GOLT1B: variants seen among roughly 807,000 people sequenced by gnomAD.
The protein encoded by GOLT1B is golgi transport 1B.
Under a neutral mutation model 15.4 loss-of-function variants are expected in GOLT1B, and 3 were observed. The ratio of observed to expected loss-of-function variants is 0.19; its 90% CI spans 0.09 to 0.50. The LOEUF (loss-of-function observed/expected upper bound fraction) is 0.50. Ranked by LOEUF, GOLT1B falls within the 20% of genes least tolerant of loss-of-function variation. GOLT1B has a pLI of 0.97. For missense variants in GOLT1B, 145 were observed against 160.4 expected (o/e 0.90, Z 0.52); for synonymous variants, 65 against 56.2 (o/e 1.16, Z -0.70).
At position 21,512,313 on chromosome 12, in the gene GOLT1B, T is replaced by C. The variant is rs148439968; in HGVS notation, c.315T>C (p.Val105=). The change falls in exon 4 of 5, where the codon GTT becomes GTC. Residue 105 remains valine, a synonymous_variant. Transcript: ENST00000229314. ...FLLFRGFFPV[V]VGFIRRVPVL... ...CTCCCAGGGGCTTCTTTCCTGTCGT[T>C]GTTGGCTTTATTAGAAGAGTGCCAG... 4.5e-4 allele frequency: 713 copies of C among 1,569,054 alleles called. 2 individuals carry two copies. The highest frequency in any genetic ancestry group is 1.0e-3 in the Middle Eastern group (6 of 5,960).
At chr12:21,511,536 T>C (rs1467661639) in intron 3 of GOLT1B, among the ~76,000 whole-genome samples, 1 of 152,188 alleles carries the variant, frequency 6.6e-6, no homozygotes, top group Non-Finnish European at 1.5e-5. Flanking sequence ...TCCAGCCCTC[T>C]AATCTTGCCT....
intron 2 of GOLT1B, 52 bp downstream of exon 2, chr12:21,507,028 C>T (rs772784692): frequency 2.7e-5 from 20 of 743,684 alleles, no homozygotes; most frequent in Middle Eastern, 2.6e-4. Flanking sequence ...ATTTTAACTA[C>T]GAATGAATTA....
intron 1 of GOLT1B, among the ~76,000 whole-genome samples, chr12:21,503,990 A>G (rs1943660031): frequency 6.6e-6 from 1 of 152,228 alleles, no homozygotes; most frequent in Non-Finnish European, 1.5e-5. Context: ...AGTACAGTTA[A>G]TGTTCAATTG....
intron 3 of GOLT1B, among the ~76,000 whole-genome samples, chr12:21,510,957 G>GT (rs1943715147): frequency 6.6e-6 from 1 of 152,180 alleles, no homozygotes; most frequent in South Asian, 2.1e-4. Flanking sequence ...GACCAAATGG[G>GT]TGGGGGGTTT....
intron 4 of GOLT1B, among the ~76,000 whole-genome samples, chr12:21,514,120 G>T (rs563201328): frequency 6.6e-6 from 1 of 152,244 alleles, no homozygotes; most frequent in African/African-American, 2.4e-5. Context: ...AGCTGAGTTG[G>T]CTACAATCCT....
rs1008747259 is a variant in GOLT1B at position 21,517,608 on chromosome 12, A to G, written c.*1901A>G. On this transcript the variant is annotated 3_prime_UTR_variant, in exon 5 of 5. Transcript: ENST00000229314. Reference sequence around the variant, plus strand: ...CCTTTGTAGACATGAATTTCTATCAAAATGTTCTTTGCACTGTAACAGAGA... The same window carrying G: ...CCTTTGTAGACATGAATTTCTATCAGAATGTTCTTTGCACTGTAACAGAGA... 6.6e-6 allele frequency: 1 copy of G among 152,076 alleles called. No homozygotes were observed. The highest frequency in any genetic ancestry group is 2.4e-5 in the African/African-American group (1 of 41,454). The allele number at this position is 152,076 out of a possible 1,614,324, so 9.4% of individuals were successfully genotyped here.
In GOLT1B at chr12:21,517,102, A is replaced by G. The variant is rs898894774; in HGVS notation, c.*1395A>G. The G allele has an allele frequency of 6.6e-6, 1 of 152,474 alleles. No individual in the cohort carries two copies. The highest frequency in any genetic ancestry group is 1.5e-5 in the Non-Finnish European group (1 of 67,898). 9.4% of individuals were successfully genotyped at this position (152,474 alleles called of 1,614,324 possible). Reference sequence around the variant, plus strand: ...CAGTTGCAAAGCTTTTTAATGCATAAAAGTATAATTGAAATCTGTGGTATT... The same window carrying G: ...CAGTTGCAAAGCTTTTTAATGCATAGAAGTATAATTGAAATCTGTGGTATT... On this transcript the variant is annotated 3_prime_UTR_variant, in exon 5 of 5. Transcript: ENST00000229314.
At chr12:21,511,475 G>A (rs1206894534) in intron 3 of GOLT1B, among the ~76,000 whole-genome samples, 1 of 152,158 alleles carries the variant, frequency 6.6e-6, no homozygotes, top group Non-Finnish European at 1.5e-5. Context: ...TGAGTGACCA[G>A]CTTCACAGCC....
chr12:21,504,198 C>T (rs774491707), intron 1 of GOLT1B, among the ~76,000 whole-genome samples: 22 of 151,770 alleles, frequency 1.4e-4, no homozygotes, highest in Non-Finnish European at 2.9e-4. Context: ...TTTTTTTTAA[C>T]TTGTGGACAG....
intron 3 of GOLT1B, among the ~76,000 whole-genome samples, chr12:21,509,425 CAGAAA>C (rs1374145650): frequency 1.3e-5 from 1 of 75,858 alleles, no homozygotes; most frequent in Non-Finnish European, 2.7e-5. Flanking sequence ...AAAAAAAAAA[CAGAAA>C]AGAAAATAAC....
chr12:21,515,213 T>C (rs970193717), intron 4 of GOLT1B: 2 of 1,307,128 alleles, frequency 1.5e-6, no homozygotes. Context: ...TTGAACTTAA[T>C]GGAGTTAAAT....
chr12:21,502,105 CG>C (rs1283625625), intron 1 of GOLT1B, among the ~76,000 whole-genome samples, 157 bp downstream of exon 1: 1 of 152,192 alleles, frequency 6.6e-6, no homozygotes, highest in Non-Finnish European at 1.5e-5. Flanking sequence ...GGGCTGCCTT[CG>C]GGATGCCGGG....
rs1943770577 is a variant in GOLT1B, at chr12:21,518,303, A to G, written c.*2596A>G. The G allele has an allele frequency of 1.3e-5, 2 of 152,276 alleles. No homozygotes were observed. Among genetic ancestry groups the G allele is most frequent in the South Asian group, 4.1e-4 (2 of 4,828 alleles). The allele number at this position is 152,276 out of a possible 1,614,324, so 9.4% of individuals were successfully genotyped here. A position where few individuals can be genotyped will look rare whatever the true frequency, so the allele number is the denominator to read the frequency against. ...CATCTTTCATTTCCAAATTGTTGAA[A>G]TGTACTAATGAATACAAATAGACTT... is the stretch of plus-strand genomic sequence containing the variant. On this transcript the variant is annotated 3_prime_UTR_variant, in exon 5 of 5. Coordinates refer to ENST00000229314, the MANE Select transcript of GOLT1B (RefSeq NM_016072.5).
chr12:21,505,578 A>G (rs1288104477), intron 1 of GOLT1B, among the ~76,000 whole-genome samples: 1 of 152,180 alleles, frequency 6.6e-6, no homozygotes, highest in East Asian at 1.9e-4. Context: ...GGAAGACACT[A>G]GTTATCAGGA....
At chr12:21,504,766 C>T (rs868358072) in intron 1 of GOLT1B, among the ~76,000 whole-genome samples, 20 of 152,280 alleles carry the variant, frequency 1.3e-4, no homozygotes, top group African/African-American at 1.9e-4. Context: ...CTTCATAACA[C>T]GGTAAACCAT....
chr12:21,506,628 T>G lies in GOLT1B; in HGVS notation c.26-257T>G, dbSNP rs71539410. Among the ~76,000 whole-genome samples, 4,045 of 152,168 alleles carry G rather than the reference T, an allele frequency of 0.027. 77 individuals carry two copies. Among genetic ancestry groups the G allele is most frequent in the Non-Finnish European group, 0.041 (2,767 of 67,868 alleles). On this transcript the variant is annotated intron_variant, in intron 1 of 4. Coordinates refer to ENST00000229314, the MANE Select transcript of GOLT1B (RefSeq NM_016072.5). ...TTAGAATCCCGATTTATCTTTTTTA[T>G]TATAGCTATGTCTGAGAAATGCTAT...
chr12:21,518,187 A>T lies in GOLT1B; in HGVS notation c.*2480A>T, dbSNP rs955620471. On this transcript the variant is annotated 3_prime_UTR_variant, in exon 5 of 5. Transcript: ENST00000229314. ...GGTGGTCAAGTATATCTGTGTTATG[A>T]AGTTCTAAAAGCTAATTTAGCATTG... is the stretch of plus-strand genomic sequence containing the variant. 1 of 152,114 alleles carries T rather than the reference A, an allele frequency of 6.6e-6. No individual in the cohort carries two copies. The highest frequency in any genetic ancestry group is 2.4e-5 in the African/African-American group (1 of 41,438). 9.4% of individuals were successfully genotyped at this position (152,114 alleles called of 1,614,324 possible).
At chr12:21,511,131 G>A (rs1943716406) in intron 3 of GOLT1B, among the ~76,000 whole-genome samples, 1 of 152,148 alleles carries the variant, frequency 6.6e-6, no homozygotes, top group African/African-American at 2.4e-5. Flanking sequence ...ACAAGCCCCA[G>A]GTTGTTTTAC....
chr12:21,505,489 AT>A (rs1234763917), intron 1 of GOLT1B, among the ~76,000 whole-genome samples: 3 of 152,182 alleles, frequency 2.0e-5, no homozygotes, highest in Non-Finnish European at 4.4e-5. Flanking sequence ...TGTGTGTTGA[AT>A]TCACTTAACT....
Sources: gnomAD v4.1 joint callset for allele counts (sites outside exome capture counted in the v4.1 genomes callset) on GRCh38, gnomAD v4.1.1 for gene constraint, MANE v1.5 for transcripts, NCBI Gene and HGNC (gene_info 2026-07-23, HGNC 2026-07-21) for gene names.